Variants in RAB2A observed in about 807,000 individuals in gnomAD.
RAB2A encodes the protein ras-related protein Rab-2A.
In RAB2A, 7 loss-of-function variants were observed where a neutral mutation model predicts 32.5. The ratio of observed to expected loss-of-function variants is 0.22; its 90% CI spans 0.12 to 0.40. The LOEUF (loss-of-function observed/expected upper bound fraction) is 0.40. RAB2A is among the 10% of genes least tolerant of loss of function. The pLI is 1.00. For missense variants in RAB2A, 108 were observed against 260.7 expected (o/e 0.41, Z 4.03); for synonymous variants, 79 against 85.2 (o/e 0.93, Z 0.40).
intron 2 of RAB2A, among the ~76,000 whole-genome samples, chr8:60,567,705 G>A (rs1808136213): frequency 6.6e-6 from 1 of 151,616 alleles, no homozygotes; most frequent in Admixed American, 6.6e-5. Context: ...GTTCATATAG[G>A]CCTTATGCTT....
intron 2 of RAB2A, among the ~76,000 whole-genome samples, chr8:60,565,796 C>T (rs1485662629): frequency 7.8e-5 from 11 of 140,440 alleles, no homozygotes; most frequent in African/African-American, 2.3e-4. Context: ...CTGCAACCTC[C>T]ACATCCCAGG....
intron 1 of RAB2A, among the ~76,000 whole-genome samples, chr8:60,538,169 C>T (rs188583274): frequency 1.0e-3 from 159 of 152,308 alleles, no homozygotes; most frequent in African/African-American, 3.7e-3. Context: ...TTATCAAATG[C>T]TGTATTTTCC....
At chr8:60,589,279 G>T (rs1441975762) in intron 5 of RAB2A, among the ~76,000 whole-genome samples, 7 of 152,206 alleles carry the variant, frequency 4.6e-5, no homozygotes, top group Non-Finnish European at 1.5e-5. Context: ...ACAAAGCATA[G>T]TATGTAAACG....
At chr8:60,527,302 G>A (rs143340302) in intron 1 of RAB2A, among the ~76,000 whole-genome samples, 21 of 152,320 alleles carry the variant, frequency 1.4e-4, no homozygotes, top group Middle Eastern at 3.4e-3. Context: ...ACAATTTGAT[G>A]TGAGATTTGG....
chr8:60,561,139 G>A (rs1039704573), intron 2 of RAB2A, among the ~76,000 whole-genome samples: 15 of 152,166 alleles, frequency 9.9e-5, no homozygotes, highest in Non-Finnish European at 1.9e-4. Context: ...GCCTAGGGGT[G>A]GTAGCAGCTT....
intron 3 of RAB2A, among the ~76,000 whole-genome samples, chr8:60,582,324 A>G (rs1359682975): frequency 1.3e-5 from 2 of 152,150 alleles, no homozygotes; most frequent in Non-Finnish European, 2.9e-5. Context: ...CTAATTTAGC[A>G]TGACATTATT....
At chr8:60,586,456 T>G (rs900964532) in intron 5 of RAB2A, among the ~76,000 whole-genome samples, 4 of 151,126 alleles carry the variant, frequency 2.6e-5, no homozygotes, top group Non-Finnish European at 4.4e-5. Flanking sequence ...AAATAGATAC[T>G]GATCAGGAAA....
intron 5 of RAB2A, among the ~76,000 whole-genome samples, chr8:60,589,008 T>G (rs1160915408): frequency 6.6e-6 from 1 of 152,220 alleles, no homozygotes; most frequent in Non-Finnish European, 1.5e-5. Flanking sequence ...TTTTCCACAT[T>G]TAAATCATCT....
intron 1 of RAB2A, among the ~76,000 whole-genome samples, chr8:60,538,937 C>G (rs1406164385): frequency 6.6e-6 from 1 of 152,216 alleles, no homozygotes; most frequent in Non-Finnish European, 1.5e-5. Flanking sequence ...GATACAGATA[C>G]AATTCTAATT....
intron 1 of RAB2A, chr8:60,553,051 T>G (rs1004206694): frequency 6.6e-6 from 1 of 152,154 alleles, no homozygotes; most frequent in African/African-American, 2.4e-5. Context: ...GTGATGGTTG[T>G]TTGTGAGATT....
At chr8:60,619,424 C>T (rs1298883822) in intron 7 of RAB2A, among the ~76,000 whole-genome samples, 1 of 152,122 alleles carries the variant, frequency 6.6e-6, no homozygotes, top group African/African-American at 2.4e-5. Flanking sequence ...TCCCCAGTTG[C>T]AGTTAGAAAA....
In RAB2A at chr8:60,591,915, A is replaced by T; in HGVS notation, c.420A>T (p.Glu140Asp). The T allele has an allele frequency of 6.2e-7, 1 of 1,613,094 alleles. No homozygotes were observed. Among genetic ancestry groups the T allele is most frequent in the Non-Finnish European group, 8.5e-7 (1 of 1,179,292 alleles). The part of the protein sequence containing the change: ...KKEEGEAFAR[E>D]HGLIFMETSA... ...AAGAAGGTGAAGCTTTTGCACGAGA[A>T]CATGGACTCATCTTCATGGAAACGT... Residue 140 changes from glutamate (E) to aspartate (D), a missense_variant, in exon 6 of 8, where the codon GAA (glutamate) becomes GAT (aspartate). Physicochemically the swap from Glu to Asp is conservative, Grantham distance 45. This residue lies in a region of RAB2A where 79 missense variants were observed against 199.8 expected (regional missense o/e 0.40). Transcript: ENST00000262646.
chr8:60,556,882 A>G (rs914255085), intron 1 of RAB2A, among the ~76,000 whole-genome samples: 4 of 152,128 alleles, frequency 2.6e-5, no homozygotes, highest in African/African-American at 2.4e-5. Context: ...TGTGATTTCT[A>G]ACTATATATA....
chr8:60,558,145 G>T (rs1448280261), intron 1 of RAB2A, among the ~76,000 whole-genome samples: 1 of 152,150 alleles, frequency 6.6e-6, no homozygotes, highest in Non-Finnish European at 1.5e-5. Flanking sequence ...AGTGCAGGAT[G>T]CTATCAATTA....
intron 1 of RAB2A, among the ~76,000 whole-genome samples, chr8:60,520,728 C>T (rs1476526937): frequency 1.3e-5 from 2 of 152,208 alleles, no homozygotes; most frequent in Non-Finnish European, 2.9e-5. Flanking sequence ...TTTCCCTTCT[C>T]TTCAGTCCCA....
At chr8:60,550,899 T>A (rs1386821240) in intron 1 of RAB2A, among the ~76,000 whole-genome samples, 2 of 152,212 alleles carry the variant, frequency 1.3e-5, no homozygotes, top group African/African-American at 4.8e-5. Context: ...TGACTCTCCC[T>A]GCCTCCTGTG....
chr8:60,577,274 C>A (rs956361213), intron 3 of RAB2A, among the ~76,000 whole-genome samples: 6 of 152,042 alleles, frequency 3.9e-5, no homozygotes, highest in African/African-American at 1.5e-4. Context: ...GTCAGAAACT[C>A]CTGGGCTCAA....
chr8:60,568,879 TA>T (rs923370106), intron 2 of RAB2A, among the ~76,000 whole-genome samples: 27 of 150,412 alleles, frequency 1.8e-4, no homozygotes, highest in Admixed American at 1.1e-3. Context: ...ATTTATCACA[TA>T]AAAAAAAAGG....
intron 1 of RAB2A, among the ~76,000 whole-genome samples, chr8:60,519,937 G>A (rs6471887): frequency 0.071 from 10,813 of 152,128 alleles, 1,146 homozygotes; most frequent in African/African-American, 0.24. Context: ...ACCCATAGTT[G>A]TAAGATACAC....
Sources: gnomAD v4.1 joint callset for allele counts (sites outside exome capture counted in the v4.1 genomes callset) on GRCh38, gnomAD v4.1.1 for gene constraint, gnomAD v4.1.1 regional missense constraint, MANE v1.5 for transcripts, NCBI Gene and HGNC (gene_info 2026-07-23, HGNC 2026-07-21) for gene names.